The following MPPED2 variants were observed in gnomAD, a reference collection of about 807,000 sequenced individuals.
MPPED2 encodes the protein metallophosphoesterase MPPED2.
Under a neutral mutation model 33.0 loss-of-function variants are expected in MPPED2, and 5 were observed. The ratio of observed to expected loss-of-function variants is 0.15; its 90% CI spans 0.08 to 0.32. MPPED2 has a LOEUF of 0.32. Among genes scored for constraint, MPPED2 ranks in the 10% least tolerant of loss-of-function variants. The pLI, the probability that MPPED2 is intolerant of heterozygous loss-of-function variation, is 1.00. For synonymous variants in MPPED2, 136 were observed against 141.9 expected, an observed-to-expected ratio of 0.96 and a Z score of 0.29; for missense variants, 275 against 372.1, an observed-to-expected ratio of 0.74 and a Z score of 2.15.
chr11:30,555,597 C>T (rs1454491457), intron 2 of MPPED2, among the ~76,000 whole-genome samples: 3 of 152,138 alleles, frequency 2.0e-5, no homozygotes, highest in African/African-American at 7.2e-5. Flanking sequence ...CTCACAAGAT[C>T]TGATGGTTTT....
rs1484775984 is a variant in MPPED2, at chr11:30,410,253, T to C, written c.*1215A>G. The stretch of plus-strand genomic sequence containing the variant: ...AAAATCTTGCAATTTTATTTGCATA[T>C]AAAGGCCGCTAGATATAGAATATCA... On this transcript the variant is annotated 3_prime_UTR_variant, in exon 7 of 7. Coordinates refer to ENST00000358117, the MANE Select transcript of MPPED2 (RefSeq NM_001584.3). The C allele has an allele frequency of 1.0e-6, 1 of 985,656 alleles. No individual in the cohort carries two copies. Among genetic ancestry groups the C allele is most frequent in the East Asian group, 1.1e-4 (1 of 8,830 alleles). 61.1% of individuals were successfully genotyped at this position (985,656 alleles called of 1,614,324 possible). A position where few individuals can be genotyped will look rare whatever the true frequency, so the allele number is the denominator to read the frequency against.
intron 4 of MPPED2, among the ~76,000 whole-genome samples, chr11:30,486,764 G>A (rs1215582568): frequency 1.3e-5 from 2 of 152,162 alleles, no homozygotes; most frequent in Non-Finnish European, 2.9e-5. Flanking sequence ...GAGTGTTCAG[G>A]AAGAATCTAG....
rs1391478683 is a variant in MPPED2, at chr11:30,504,953, A to G, written c.311-9432T>C. The G allele has an allele frequency of 1.3e-5, 6 of 462,756 alleles. No individual in the cohort carries two copies. The Admixed American group carries it at 1.5e-4, about 11-fold the overall frequency. 28.7% of individuals were successfully genotyped at this position (462,756 alleles called of 1,614,324 possible). The stretch of plus-strand genomic sequence containing the variant: ...GTGGTCCACTGCAGGAATGAGCACC[A>G]GTGTAAGACACCACAGCGGAAATGC... On this transcript the variant is annotated intron_variant, in intron 3 of 6. Transcript: ENST00000358117.
At chr11:30,581,977 T>C (rs72890885) in intron 1 of MPPED2, among the ~76,000 whole-genome samples, 2 of 152,284 alleles carry the variant, frequency 1.3e-5, no homozygotes, top group Non-Finnish European at 2.9e-5. Flanking sequence ...ACCAGGCCAG[T>C]AGGATTAACT....
intron 4 of MPPED2, among the ~76,000 whole-genome samples, chr11:30,465,267 C>T (rs1481859364): frequency 6.6e-6 from 1 of 152,058 alleles, no homozygotes; most frequent in Non-Finnish European, 1.5e-5. Context: ...ACAAGAAGAC[C>T]TTTAAACTTG....
chr11:30,528,138 TAC>T (rs34244708), intron 3 of MPPED2, among the ~76,000 whole-genome samples: 12 of 151,380 alleles, frequency 7.9e-5, no homozygotes, highest in South Asian at 2.1e-4. Context: ...TTATACACAA[TAC>T]ACACACACAC....
At chr11:30,575,533 A>G (rs1956892092) in intron 2 of MPPED2, among the ~76,000 whole-genome samples, 1 of 152,198 alleles carries the variant, frequency 6.6e-6, no homozygotes, top group African/African-American at 2.4e-5. Context: ...ATTTCAGACC[A>G]TATTCTCAGC....
chr11:30,506,467 G>A (rs117866969), intron 3 of MPPED2, among the ~76,000 whole-genome samples: 2,074 of 152,258 alleles, frequency 0.014, 24 homozygotes, highest in Non-Finnish European at 0.021. Context: ...TAAACTAGTA[G>A]TGTTGGCTGA....
At chr11:30,470,357 A>T (rs1950896099) in intron 4 of MPPED2, among the ~76,000 whole-genome samples, 1 of 152,144 alleles carries the variant, frequency 6.6e-6, no homozygotes, top group Non-Finnish European at 1.5e-5. Context: ...AATTTTTTTT[A>T]AATGTGTCCA....
At chr11:30,480,878 A>G (rs1951454158) in intron 4 of MPPED2, among the ~76,000 whole-genome samples, 1 of 152,092 alleles carries the variant, frequency 6.6e-6, no homozygotes, top group African/African-American at 2.4e-5. Context: ...TATAACTATC[A>G]CTCAGTTAGC....
exon 7 of MPPED2, chr11:30,386,624 T>A: frequency 2.5e-6 from 1 of 398,100 alleles, no homozygotes. Context: ...TAGAACAGTG[T>A]CTAGCACAGA....
chr11:30,403,278 G>A (rs1475995212), intron 6 of MPPED2, among the ~76,000 whole-genome samples: 2 of 151,454 alleles, frequency 1.3e-5, no homozygotes, highest in Non-Finnish European at 2.9e-5. Context: ...AAACAATGTA[G>A]GAAGTTGTTA....
intron 6 of MPPED2, among the ~76,000 whole-genome samples, chr11:30,390,705 T>C (rs1947762273): frequency 1.3e-5 from 2 of 152,212 alleles, no homozygotes. Context: ...TCTTTTAGGA[T>C]CCTTTGGTTT....
exon 7 of MPPED2, chr11:30,387,063 C>CA (rs1947712207): frequency 9.8e-6 from 3 of 307,130 alleles, no homozygotes; most frequent in Non-Finnish European, 1.8e-5. Flanking sequence ...ACAGCGTGCA[C>CA]GCATATAAGC....
At chr11:30,499,460 T>C (rs565641329) in intron 3 of MPPED2, among the ~76,000 whole-genome samples, 3 of 152,334 alleles carry the variant, frequency 2.0e-5, no homozygotes, top group African/African-American at 4.8e-5. Context: ...TGGAACACTT[T>C]GGATTTTGGA....
intron 2 of MPPED2, among the ~76,000 whole-genome samples, chr11:30,556,474 A>G (rs1955969155): frequency 6.6e-6 from 1 of 152,200 alleles, no homozygotes; most frequent in African/African-American, 2.4e-5. Flanking sequence ...CATGACTTCA[A>G]TTCCACATGG....
intron 4 of MPPED2, among the ~76,000 whole-genome samples, chr11:30,427,955 T>A (rs1318867357): frequency 2.0e-5 from 3 of 152,242 alleles, no homozygotes; most frequent in Non-Finnish European, 4.4e-5. Flanking sequence ...ATTCAACATC[T>A]ACTTCGACTC....
In MPPED2 at chr11:30,444,696, T is replaced by C. The variant is rs1398380867; in HGVS notation, c.537-27063A>G. On this transcript the variant is annotated intron_variant, in intron 4 of 6. Coordinates refer to ENST00000358117, the MANE Select transcript of MPPED2 (RefSeq NM_001584.3). ...TTCTACGTTATTTTTTGGTTCTTTA[T>C]CTGCACATTTTGGGCTGTGTTGGTT... 3.9e-5 allele frequency among the ~76,000 whole-genome samples: 6 copies of C among 152,328 alleles called. No homozygotes were observed. In the South Asian group the frequency reaches 8.3e-4, roughly 21 times the overall value.
chr11:30,487,677 T>C (rs902017614), intron 4 of MPPED2, among the ~76,000 whole-genome samples: 10 of 152,094 alleles, frequency 6.6e-5, no homozygotes, highest in African/African-American at 2.4e-4. Flanking sequence ...GGCCTCACTA[T>C]GTTGCCCTGT....
Sources: gnomAD v4.1 joint callset for allele counts (sites outside exome capture counted in the v4.1 genomes callset) on GRCh38, gnomAD v4.1.1 for gene constraint, MANE v1.5 for transcripts, NCBI Gene and HGNC (gene_info 2026-07-23, HGNC 2026-07-21) for gene names.